The following CCDC198 variants were observed in gnomAD, a reference collection of about 807,000 sequenced individuals.
The protein encoded by CCDC198 is factor associated with metabolism and energy.
CCDC198 carries 18 observed loss-of-function variants against 35.6 expected under a neutral mutation model. The ratio of observed to expected loss-of-function variants is 0.51; its 90% confidence interval spans 0.35 to 0.75. The LOEUF (loss-of-function observed/expected upper bound fraction) is 0.75, where lower values mean the gene tolerates loss of function less well. Ranked by LOEUF, CCDC198 falls within the 30% of genes least tolerant of loss-of-function variation. The pLI, the probability that CCDC198 is intolerant of heterozygous loss-of-function variation, is 0.01. For synonymous variants in CCDC198, 119 were observed against 113.4 expected, an observed-to-expected ratio of 1.05 and a Z score of -0.31; for missense variants, 365 against 343.7, an observed-to-expected ratio of 1.06 and a Z score of -0.49.
chr14:57,482,317 A>G (rs2067214661), intron 3 of CCDC198, among the ~76,000 whole-genome samples: 2 of 152,180 alleles, frequency 1.3e-5, no homozygotes, highest in African/African-American at 4.8e-5. Flanking sequence ...GTGTTTGACA[A>G]TACCTTTTGT....
At position 57,493,496 on chromosome 14, in the gene CCDC198, T is replaced by C. The variant is rs144484702; in HGVS notation, c.220A>G (p.Thr74Ala). Residue 74 changes from threonine to alanine, a missense_variant, in exon 1 of 6, where the codon ACA becomes GCA. Physicochemically the swap from Thr to Ala is moderately conservative, Grantham distance 58 (BLOSUM62 0). Coordinates refer to ENST00000216445, the MANE Select transcript of CCDC198 (RefSeq NM_018168.4). Reference sequence around the variant, plus strand: ...TCATGCTGGGTTTTATGTTTACCTGTAGAATATCTTCCATACCAGTTTTCT... The same window carrying C: ...TCATGCTGGGTTTTATGTTTACCTGCAGAATATCTTCCATACCAGTTTTCT... Reference protein sequence around the residue: ...LQENWYGRYSTASRDMYFDIP... With the variant: ...LQENWYGRYSAASRDMYFDIP... 2.5e-6 allele frequency: 4 copies of C among 1,612,944 alleles called. No homozygotes were observed. The African/African-American group carries it at 4.0e-5, about 16-fold the overall frequency.
At position 57,493,532 on chromosome 14, in the gene CCDC198, G is replaced by A. The variant is rs1168515573; in HGVS notation, c.184C>T (p.Pro62Ser). ...CCATACCAGTTTTCTTGTAAAGGTGGCAGCTGCCCTTCCAAGGCTTTATTC... is the reference window on the plus strand; with the variant it reads ...CCATACCAGTTTTCTTGTAAAGGTGACAGCTGCCCTTCCAAGGCTTTATTC... ...DQNKALEGQL[P>S]PLQENWYGRY... The change falls in exon 1 of 6, where the codon CCA (proline) becomes TCA (serine). Residue 62 changes from proline (P) to serine (S), a missense_variant. Pro to Ser is a moderately conservative substitution (Grantham distance 74). Transcript: ENST00000216445. 1 of 1,613,916 alleles carries A rather than the reference G, an allele frequency of 6.2e-7. No homozygotes were observed. Among genetic ancestry groups the A allele is most frequent in the Non-Finnish European group, 8.5e-7 (1 of 1,179,876 alleles).
chr14:57,476,725 G>A (rs2067010051), intron 5 of CCDC198, among the ~76,000 whole-genome samples: 1 of 152,170 alleles, frequency 6.6e-6, no homozygotes, highest in Non-Finnish European at 1.5e-5. Flanking sequence ...GAATGGGCCA[G>A]TATGTCATTA....
chr14:57,473,674 T>G lies in CCDC198; in HGVS notation c.656-2084A>C, dbSNP rs2066886590. On this transcript the variant is annotated intron_variant, in intron 5 of 5. Transcript: ENST00000216445. ...AATTGGTCTTCCTTCATCCTTTTAC[T>G]TTCCCCTCCCACCCATTCTCCACAG... Among the ~76,000 whole-genome samples the G allele has an allele frequency of 2.0e-5, 3 of 152,226 alleles. No individual in the cohort carries two copies. In the South Asian group the frequency reaches 6.2e-4, roughly 32 times the overall value.
At chr14:57,475,871 G>A (rs1277814770) in intron 5 of CCDC198, among the ~76,000 whole-genome samples, 1 of 126,624 alleles carries the variant, frequency 7.9e-6, no homozygotes, top group African/African-American at 3.0e-5. Flanking sequence ...GTGTGATCTC[G>A]GCTTACTGCA....
chr14:57,476,848 C>G (rs534370148), intron 5 of CCDC198, among the ~76,000 whole-genome samples: 1 of 152,304 alleles, frequency 6.6e-6, no homozygotes, highest in East Asian at 1.9e-4. Context: ...AGCTACACTC[C>G]ATTTGTAGGA....
rs558989039 is a variant in CCDC198 at position 57,491,128 on chromosome 14, T to G, written c.224-57A>C. 5.6e-5 allele frequency: 86 copies of G among 1,540,426 alleles called. No homozygotes were observed. In the African/African-American group the frequency reaches 1.1e-3, roughly 19 times the overall value. On this transcript the variant is annotated intron_variant, in intron 1 of 5. Transcript: ENST00000216445. ...ACATTAAATATAATTTACTATTAAA[T>G]CAGGCAATCATTAGTTACTAGACTT... is the stretch of plus-strand genomic sequence containing the variant.
At position 57,475,530 on chromosome 14, in the gene CCDC198, A is replaced by G. The variant is rs772630526; in HGVS notation, c.656-3940T>C. On this transcript the variant is annotated intron_variant, in intron 5 of 5. Coordinates refer to ENST00000216445, the MANE Select transcript of CCDC198 (RefSeq NM_018168.4). Reference sequence around the variant, plus strand: ...GAGACCAGCTTGGCCAACATGGTGAAACCTCGTCTCTACTACAAATACAAA... The same window carrying G: ...GAGACCAGCTTGGCCAACATGGTGAGACCTCGTCTCTACTACAAATACAAA... 2.5e-5 allele frequency: 19 copies of G among 767,406 alleles called. No homozygotes were observed. In the South Asian group the frequency reaches 3.1e-4, roughly 13 times the overall value. 47.5% of individuals were successfully genotyped at this position (767,406 alleles called of 1,614,324 possible). A position where few individuals can be genotyped will look rare whatever the true frequency, so the allele number is the denominator to read the frequency against.
intron 3 of CCDC198, 146 bp downstream of exon 3, chr14:57,482,919 T>C (rs1594801456): frequency 4.4e-6 from 5 of 1,123,938 alleles, no homozygotes; most frequent in Non-Finnish European, 6.3e-6. Context: ...TTTGAAAAGT[T>C]CTCACTCTGA....
At position 57,481,560 on chromosome 14, in the gene CCDC198, T is replaced by C. The variant is rs1466818775; in HGVS notation, c.494A>G (p.Glu165Gly). Residue 165 changes from glutamate (E) to glycine (G), a missense_variant and splice_region_variant, in exon 4 of 6, where the codon GAG becomes GGG. Glu to Gly is a moderately conservative substitution (Grantham distance 98). Coordinates refer to ENST00000216445, the MANE Select transcript of CCDC198 (RefSeq NM_018168.4). Reference protein sequence around the residue: ...QVLEMIRKRQEAQMELKKSLH... With the variant: ...QVLEMIRKRQGAQMELKKSLH... ...ATATGACACTCTTCTCGTATTTACC[T>C]CTTGTCTTTTACGGATCATTTCCAG... 1 of 1,604,736 alleles carries C rather than the reference T, an allele frequency of 6.2e-7. No homozygotes were observed. The highest frequency in any genetic ancestry group is 2.2e-5 in the East Asian group (1 of 44,750).
In CCDC198 at chr14:57,489,192, C is replaced by T. The variant is rs551148968; in HGVS notation, c.306+1797G>A. ...TATACACCATGGAATACTATGCAGC[C>T]ACAAAAAGGAACGAGATCATGTTCT... On this transcript the variant is annotated intron_variant, in intron 2 of 5. Transcript: ENST00000216445. Among the ~76,000 whole-genome samples the T allele has an allele frequency of 1.2e-4, 18 of 152,108 alleles. No homozygotes were observed. The South Asian group carries it at 3.5e-3, about 30-fold the overall frequency.
rs1021142480 is a variant in CCDC198, at chr14:57,480,766, C to A, written c.496-12G>T. 1.2e-6 allele frequency: 2 copies of A among 1,613,212 alleles called. No homozygotes were observed. Among genetic ancestry groups the A allele is most frequent in the African/African-American group, 2.7e-5 (2 of 74,806 alleles). On this transcript the variant is annotated splice_polypyrimidine_tract_variant and intron_variant, in intron 4 of 5. Transcript: ENST00000216445. ...AACTCCATTTGGGCCTGAAAATCAT[C>A]AACTATAAATGATCAATGTTCTTCC...
chr14:57,486,289 T>C (rs898046932), intron 2 of CCDC198, among the ~76,000 whole-genome samples: 3 of 152,202 alleles, frequency 2.0e-5, no homozygotes, highest in African/African-American at 7.2e-5. Context: ...TCAATCTTCA[T>C]GTGAACTCCG....
At chr14:57,472,608 C>T (rs553193926) in intron 5 of CCDC198, among the ~76,000 whole-genome samples, 2 of 152,282 alleles carry the variant, frequency 1.3e-5, no homozygotes, top group Non-Finnish European at 2.9e-5. Flanking sequence ...AAAGAGATGT[C>T]TAAACTGTTC....
At chr14:57,477,983 T>C (rs2067059680) in intron 5 of CCDC198, among the ~76,000 whole-genome samples, 1 of 152,084 alleles carries the variant, frequency 6.6e-6, no homozygotes, top group Non-Finnish European at 1.5e-5. Context: ...CAGGCATGAC[T>C]GGGTGTTCTT....
At position 57,483,083 on chromosome 14, in the gene CCDC198, C is replaced by G. The variant is rs755222944; in HGVS notation, c.375G>C (p.Arg125Ser). The change falls in exon 3 of 6, where the codon AGG (arginine) becomes AGC (serine). Residue 125 changes from arginine (R) to serine (S), a missense_variant. By Grantham distance (110) the Arg-to-Ser change is moderately radical. Coordinates refer to ENST00000216445, the MANE Select transcript of CCDC198 (RefSeq NM_018168.4). ...SGRLLSQREA[R>S]TMHKAKQVLE... ...AGCTCACCTTTGCTTTGTGCATTGT[C>G]CTGGCTTCTCGCTGGCTCAGGAGTC... 1 of 1,614,074 alleles carries G rather than the reference C, an allele frequency of 6.2e-7. No individual in the cohort carries two copies.
At chr14:57,491,137 CATT>C (rs2067552931) in intron 1 of CCDC198, 66 bp from the exon 2 acceptor site, 13 of 1,494,720 alleles carry the variant, frequency 8.7e-6, no homozygotes, top group Non-Finnish European at 1.2e-5. Context: ...ATCAGGCAAT[CATT>C]AGTTACTAGA....
chr14:57,491,146 C>T (rs572394509), intron 1 of CCDC198, 75 bp from the exon 2 acceptor site: 12 of 1,460,990 alleles, frequency 8.2e-6, no homozygotes, highest in Middle Eastern at 2.1e-4. Context: ...TCATTAGTTA[C>T]TAGACTTTGT....
In CCDC198 at chr14:57,471,244, T is replaced by C; in HGVS notation, c.*111A>G. 2 of 750,890 alleles carry C rather than the reference T, an allele frequency of 2.7e-6. No individual in the cohort carries two copies. Among genetic ancestry groups the C allele is most frequent in the Non-Finnish European group, 2.2e-6 (1 of 461,272 alleles). The allele number at this position is 750,890 out of a possible 1,614,324, so 46.5% of individuals were successfully genotyped here. A position where few individuals can be genotyped will look rare whatever the true frequency, so the allele number is the denominator to read the frequency against. ...TAAGACTCTAAAGATATCATTTCTT[T>C]TTACCAAAGTGATTTGCTGTCCTCA... On this transcript the variant is annotated 3_prime_UTR_variant, in exon 6 of 6. Transcript: ENST00000216445.
Sources: allele counts gnomAD v4.1 joint callset (sites outside exome capture counted in the v4.1 genomes callset), GRCh38; gene constraint gnomAD v4.1.1; transcripts MANE v1.5; gene names NCBI Gene and HGNC (gene_info 2026-07-23, HGNC 2026-07-21).